The following SPAG16 variants were observed in gnomAD, a reference collection of about 807,000 sequenced individuals.
SPAG16 encodes sperm associated antigen 16, also known as sperm-associated antigen 16 protein.
A neutral mutation model predicts 80.4 loss-of-function variants in SPAG16; 86 were observed. The ratio of observed to expected loss-of-function variants is 1.07; its 90% CI spans 0.90 to 1.28. The LOEUF is 1.28. SPAG16 is among the 50% of genes most tolerant of loss of function. SPAG16 has a pLI of 0.00. For synonymous variants in SPAG16, 294 were observed against 265.9 expected, an observed-to-expected ratio of 1.11 and a Z score of -1.03; for missense variants, 870 against 765.3, an observed-to-expected ratio of 1.14 and a Z score of -1.61.
intron 9 of SPAG16, among the ~76,000 whole-genome samples, chr2:213,417,139 T>C (rs1262006681): frequency 6.6e-6 from 1 of 152,182 alleles, no homozygotes; most frequent in East Asian, 1.9e-4. Context: ...TAGACTTTCC[T>C]GTCTTTAAGA....
intron 10 of SPAG16, among the ~76,000 whole-genome samples, chr2:213,857,440 A>G (rs1229467386): frequency 6.6e-6 from 1 of 152,230 alleles, no homozygotes; most frequent in Non-Finnish European, 1.5e-5. Context: ...AGATTATGCT[A>G]AATCTATTTT....
chr2:213,440,105 A>C (rs1006696224), intron 9 of SPAG16, among the ~76,000 whole-genome samples: 1 of 149,152 alleles, frequency 6.7e-6, no homozygotes, highest in African/African-American at 2.6e-5. Context: ...AAATTCCTGC[A>C]GTTTTGTGTG....
At chr2:214,088,940 G>A (rs2051972414) in intron 13 of SPAG16, among the ~76,000 whole-genome samples, 1 of 152,084 alleles carries the variant, frequency 6.6e-6, no homozygotes, top group Non-Finnish European at 1.5e-5. Flanking sequence ...TTTCACTTTG[G>A]TATATAGATG....
chr2:213,656,459 G>A (rs768353297), intron 10 of SPAG16, among the ~76,000 whole-genome samples: 3 of 152,144 alleles, frequency 2.0e-5, no homozygotes, highest in Admixed American at 6.5e-5. Context: ...GCACCCGGCC[G>A]ATGTGTGCCA....
chr2:213,911,507 A>G (rs1037779005), intron 11 of SPAG16, among the ~76,000 whole-genome samples: 4 of 152,248 alleles, frequency 2.6e-5, no homozygotes, highest in Non-Finnish European at 5.9e-5. Flanking sequence ...AAGAATGCAC[A>G]TGAAGAGCAT....
chr2:214,375,216 C>T (rs1700056621), intron 15 of SPAG16, among the ~76,000 whole-genome samples: 1 of 152,050 alleles, frequency 6.6e-6, no homozygotes, highest in Admixed American at 6.6e-5. Flanking sequence ...AACAGAACTT[C>T]AATTTAAATG....
At chr2:213,852,234 G>A (rs565539406) in intron 10 of SPAG16, among the ~76,000 whole-genome samples, 9 of 152,174 alleles carry the variant, frequency 5.9e-5, no homozygotes, top group African/African-American at 1.4e-4. Context: ...ATGAGGAGCC[G>A]TAGTTTAAAT....
intron 4 of SPAG16, among the ~76,000 whole-genome samples, chr2:213,312,371 A>C (rs774183393): frequency 1.3e-5 from 2 of 151,658 alleles, no homozygotes; most frequent in Non-Finnish European, 3.0e-5. Context: ...AAGAAATTAA[A>C]ATGGAGAAAA....
rs995017523 is a variant in SPAG16, at chr2:213,310,130, G to C, written c.351G>C (p.Leu117Phe). Residue 117 changes from leucine (L) to phenylalanine (F), a missense_variant, in exon 4 of 16, where the codon TTG (leucine) becomes TTC (phenylalanine). Coordinates refer to ENST00000331683, the MANE Select transcript of SPAG16 (RefSeq NM_024532.5). ...TAGAAGACTTTCTCTGCAATTTCTT[G>C]ATCAAAATGGGAATGACCAGAACTC... ...EVIEDFLCNF[L>F]IKMGMTRTLD... 6.2e-7 allele frequency: 1 copy of C among 1,611,802 alleles called. No homozygotes were observed. Among genetic ancestry groups the C allele is most frequent in the Admixed American group, 1.7e-5 (1 of 59,822 alleles).
At chr2:213,988,218 T>C (rs546755085) in intron 12 of SPAG16, among the ~76,000 whole-genome samples, 55 of 152,210 alleles carry the variant, frequency 3.6e-4, no homozygotes, top group African/African-American at 1.3e-3. Context: ...TCAGTAAAGA[T>C]ATAGAACTTG....
chr2:213,296,679 G>A (rs907883497), intron 2 of SPAG16, among the ~76,000 whole-genome samples: 13 of 152,184 alleles, frequency 8.5e-5, no homozygotes, highest in African/African-American at 2.9e-4. Context: ...GAGACAGGAT[G>A]AAAATTGGAG....
intron 8 of SPAG16, among the ~76,000 whole-genome samples, chr2:213,370,800 A>G (rs538607127): frequency 1.3e-5 from 2 of 152,330 alleles, no homozygotes; most frequent in African/African-American, 4.8e-5. Context: ...TTCTTGAGTG[A>G]TGTTTACAAT....
chr2:213,935,270 A>G (rs959814609), intron 12 of SPAG16, among the ~76,000 whole-genome samples: 2 of 151,726 alleles, frequency 1.3e-5, no homozygotes, highest in African/African-American at 2.4e-5. Context: ...TATTTGTTAC[A>G]GTATTTTTGC....
intron 15 of SPAG16, among the ~76,000 whole-genome samples, chr2:214,345,030 C>T (rs923929804): frequency 3.9e-5 from 6 of 152,042 alleles, no homozygotes; most frequent in Admixed American, 2.6e-4. Context: ...CCAGGCCACA[C>T]AATATGATGG....
At chr2:214,198,764 A>T (rs1474714349) in intron 15 of SPAG16, among the ~76,000 whole-genome samples, 2 of 152,006 alleles carry the variant, frequency 1.3e-5, no homozygotes, top group African/African-American at 4.8e-5. Flanking sequence ...TCATGCCAAC[A>T]TCTATTTTTT....
intron 10 of SPAG16, among the ~76,000 whole-genome samples, chr2:213,689,976 A>C (rs2064869721): frequency 6.6e-6 from 1 of 152,166 alleles, no homozygotes; most frequent in African/African-American, 2.4e-5. Context: ...TCATCAGACC[A>C]TCATTTTGCT....
intron 10 of SPAG16, among the ~76,000 whole-genome samples, chr2:213,666,803 G>T (rs757096726): frequency 6.6e-6 from 1 of 152,188 alleles, no homozygotes; most frequent in Non-Finnish European, 1.5e-5. Context: ...GAGAAGGAAG[G>T]CCAGTACAAA....
At chr2:213,873,087 C>T (rs542625742) in intron 11 of SPAG16, among the ~76,000 whole-genome samples, 111 of 152,108 alleles carry the variant, frequency 7.3e-4, no homozygotes, top group Middle Eastern at 3.4e-3. Context: ...ATAAGTTAGG[C>T]AGTGTTCCCT....
At chr2:213,643,371 TATATATATATATATATATATATATATATA>T (rs2062687446) in intron 10 of SPAG16, among the ~76,000 whole-genome samples, 1 of 53,938 alleles carries the variant, frequency 1.9e-5, no homozygotes, top group Non-Finnish European at 3.6e-5. Context: ...TATATATATA[TATATATATATATATATATATATATATATA>T]TATATATATA....
Sources: allele counts gnomAD v4.1 joint callset (sites outside exome capture counted in the v4.1 genomes callset), GRCh38; gene constraint gnomAD v4.1.1; transcripts MANE v1.5; gene names NCBI Gene and HGNC (gene_info 2026-07-23, HGNC 2026-07-21).